Variants in DOC2B observed in about 807,000 individuals in gnomAD.
DOC2B encodes the protein double C2-like domain-containing protein beta.
Under a neutral mutation model 28.9 loss-of-function variants are expected in DOC2B, and 21 were observed. That is an observed-to-expected ratio of 0.73 (90% confidence interval 0.52 to 1.05). The LOEUF (loss-of-function observed/expected upper bound fraction) is 1.05, where lower values mean the gene tolerates loss of function less well. Among genes scored for constraint, DOC2B ranks in the 50% least tolerant of loss-of-function variants. The pLI, the probability that DOC2B is intolerant of heterozygous loss-of-function variation, is 0.00. For synonymous variants in DOC2B, 194 were observed against 178.1 expected, an observed-to-expected ratio of 1.09 and a Z score of -0.71; for missense variants, 384 against 421.1, an observed-to-expected ratio of 0.91 and a Z score of 0.77.
intron 2 of DOC2B, among the ~76,000 whole-genome samples, chr17:165,692 C>G (rs1022671163): frequency 3.3e-5 from 5 of 151,906 alleles, no homozygotes; most frequent in Non-Finnish European, 7.4e-5. Context: ...GGGGCTGCCT[C>G]TGGGACAGGG....
intron 6 of DOC2B, among the ~76,000 whole-genome samples, chr17:153,642 A>T (rs567369002): frequency 6.6e-6 from 1 of 152,164 alleles, no homozygotes; most frequent in South Asian, 2.1e-4. Flanking sequence ...CAGACGTTGC[A>T]GTGAGCTGAG....
In DOC2B at chr17:181,531, C is replaced by A; in HGVS notation, c.-52G>T. ...GCGGCCCGGCCCGGCGCGACCCCGG[C>A]CCGGGGGCGGCTCAGCAGGCCCGGC... On this transcript the variant is annotated 5_prime_UTR_variant, in exon 1 of 9. Coordinates refer to ENST00000613549, the MANE Select transcript of DOC2B (RefSeq NM_003585.5). This position sits in a 1 kb window ranked among gnomAD's most constrained non-coding sequence, Gnocchi z 7.0. 1.0e-6 allele frequency: 1 copy of A among 958,660 alleles called. No homozygotes were observed. The highest frequency in any genetic ancestry group is 1.2e-6 in the Non-Finnish European group (1 of 807,922). 59.4% of individuals were successfully genotyped at this position (958,660 alleles called of 1,614,324 possible).
At chr17:161,375 C>A in intron 5 of DOC2B, 40 bp downstream of exon 5, 2 of 1,545,974 alleles carry the variant, frequency 1.3e-6, no homozygotes, top group South Asian at 2.4e-5. Context: ...CACCTGCCAC[C>A]GAGCCAGGTA....
chr17:153,471 G>A (rs529051282), intron 6 of DOC2B, among the ~76,000 whole-genome samples: 1 of 152,360 alleles, frequency 6.6e-6, no homozygotes, highest in East Asian at 1.9e-4. Context: ...GGGAGGCCAG[G>A]GTGGGTGGAT....
At position 172,579 on chromosome 17, in the gene DOC2B, G is replaced by T; in HGVS notation, c.411C>A (p.Asp137Glu). ...LGTLDFSLLY[D>E]QENNALHCTI... ...TGCAGTGGAGGGCGTTGTTCTCCTG[G>T]TCATACAGCAGGCTGAAGTCCAGCG... is the stretch of plus-strand genomic sequence containing the variant. The change falls in exon 2 of 9, where the codon GAC becomes GAA. Residue 137 changes from aspartate (D) to glutamate (E), a missense_variant. Physicochemically the swap from Asp to Glu is conservative, Grantham distance 45. Coordinates refer to ENST00000613549, the MANE Select transcript of DOC2B (RefSeq NM_003585.5). 1 of 1,551,110 alleles carries T rather than the reference G, an allele frequency of 6.4e-7. No homozygotes were observed. The highest frequency in any genetic ancestry group is 2.0e-5 in the Admixed American group (1 of 50,980).
rs1305143158 is a variant in DOC2B at position 149,204 on chromosome 17, T to C, written c.924-12A>G. On this transcript the variant is annotated splice_polypyrimidine_tract_variant and intron_variant, in intron 6 of 8. Transcript: ENST00000613549. ...CTGGCCTCAGGTATCTGGAATTACA[T>C]CCAACGGACAGGCAGAGGATGGGGA... 1.3e-5 allele frequency: 5 copies of C among 399,616 alleles called. No individual in the cohort carries two copies. The highest frequency in any genetic ancestry group is 2.2e-5 in the Non-Finnish European group (5 of 226,262). 24.8% of individuals were successfully genotyped at this position (399,616 alleles called of 1,614,324 possible).
intron 2 of DOC2B, among the ~76,000 whole-genome samples, chr17:169,071 G>A (rs945652100): frequency 7.9e-5 from 12 of 152,080 alleles, no homozygotes; most frequent in Non-Finnish European, 1.3e-4. Flanking sequence ...GCCCTGCCCC[G>A]CCCTGGGCCT....
chr17:157,630 G>T (rs2040150945), intron 5 of DOC2B, among the ~76,000 whole-genome samples: 1 of 152,134 alleles, frequency 6.6e-6, no homozygotes, highest in South Asian at 2.1e-4. Context: ...TTTTGGTAGA[G>T]ACAGGGTTTT....
chr17:144,067 CAGGCGGCGGGCGGGGCGGCGGGCG>C lies in DOC2B; in HGVS notation c.*3350_*3373del, dbSNP rs2040002358. 1.2e-5 allele frequency: 1 copy of C among 83,690 alleles called. No individual in the cohort carries two copies. The highest frequency in any genetic ancestry group is 2.3e-5 in the Non-Finnish European group (1 of 43,608). 5.2% of individuals were successfully genotyped at this position (83,690 alleles called of 1,614,324 possible). ...AAGACGGGCCCGTCGGGGATTGGCG[CAGGCGGCGGGCGGGGCGGCGGGCG>C]GGGCGGCGGGCGGGGCGGCGCTGGA... On this transcript the variant is annotated 3_prime_UTR_variant, in exon 9 of 9. Coordinates refer to ENST00000613549, the MANE Select transcript of DOC2B (RefSeq NM_003585.5).
chr17:175,110 T>C (rs2040354593), intron 1 of DOC2B, among the ~76,000 whole-genome samples: 1 of 152,126 alleles, frequency 6.6e-6, no homozygotes, highest in African/African-American at 2.4e-5. Flanking sequence ...TGGTGGCGCA[T>C]GCCTGTGGTC....
At position 162,136 on chromosome 17, in the gene DOC2B, C is replaced by T. The variant is rs2040212541; in HGVS notation, c.583G>A (p.Glu195Lys). The change falls in exon 4 of 9, where the codon GAG becomes AAG. Residue 195 changes from glutamate to lysine, a missense_variant. Transcript: ENST00000613549. ...LRNTLNPTWN[E>K]TLTYYGITDE... ...GTGATCCCGTAGTAAGTGAGGGTCT[C>T]GTTCCATGTGGGGTTCAGAGTGTTA... is the stretch of plus-strand genomic sequence containing the variant. 6 of 1,551,872 alleles carry T rather than the reference C, an allele frequency of 3.9e-6. No individual in the cohort carries two copies. The South Asian group carries it at 4.8e-5, about 12-fold the overall frequency.
At chr17:161,266 C>A (rs984336567) in intron 5 of DOC2B, 149 bp downstream of exon 5, 35 of 831,074 alleles carry the variant, frequency 4.2e-5, no homozygotes, top group Non-Finnish European at 6.1e-5. Flanking sequence ...TCCTCACCTC[C>A]ACCCCCTTGA....
At chr17:178,462 C>T (rs556066176) in intron 1 of DOC2B, among the ~76,000 whole-genome samples, 1 of 152,320 alleles carries the variant, frequency 6.6e-6, no homozygotes, top group South Asian at 2.1e-4. Context: ...CAGGTGGGTG[C>T]CGGGCAGGAG....
In DOC2B at chr17:143,983, CG is replaced by C. The variant is rs1364497942; in HGVS notation, c.*3457del. ...GCCCGGGCTCGGCGGGCGGACGGGC[CG>C]GGGCGCAGTTCCCCGCGCTCGCCAC... On this transcript the variant is annotated 3_prime_UTR_variant, in exon 9 of 9. Transcript: ENST00000613549. 4 of 148,692 alleles carry C rather than the reference CG, an allele frequency of 2.7e-5. No homozygotes were observed. Among genetic ancestry groups the C allele is most frequent in the Non-Finnish European group, 6.0e-5 (4 of 66,996 alleles). 9.2% of individuals were successfully genotyped at this position (148,692 alleles called of 1,614,324 possible).
intron 1 of DOC2B, among the ~76,000 whole-genome samples, chr17:174,297 C>A (rs992056376): frequency 1.3e-5 from 2 of 152,230 alleles, no homozygotes; most frequent in Non-Finnish European, 2.9e-5. Flanking sequence ...TATCTAACGT[C>A]TTTATGCCTC....
At chr17:165,842 C>A (rs34263281) in intron 2 of DOC2B, among the ~76,000 whole-genome samples, 114,240 of 152,160 alleles carry the variant, frequency 0.75, 43,404 homozygotes, top group East Asian at 0.86. Context: ...CCTGACCAGG[C>A]GGTGCCTGAC....
intron 6 of DOC2B, among the ~76,000 whole-genome samples, chr17:154,656 G>A (rs538407642): frequency 9.8e-5 from 15 of 152,306 alleles, no homozygotes; most frequent in African/African-American, 3.4e-4. Flanking sequence ...ATCAAATGGT[G>A]ATTCTGTGTT....
At chr17:153,107 G>A (rs1007315034) in intron 6 of DOC2B, among the ~76,000 whole-genome samples, 4 of 143,238 alleles carry the variant, frequency 2.8e-5, no homozygotes, top group Non-Finnish European at 3.1e-5. Context: ...CGGGTGAGGC[G>A]TGGCTCAGAT....
chr17:173,733 A>G (rs2040338212), intron 1 of DOC2B, among the ~76,000 whole-genome samples: 1 of 152,248 alleles, frequency 6.6e-6, no homozygotes, highest in South Asian at 2.1e-4. Context: ...GAGTTGGCCA[A>G]TGGCAAAGAG....
Sources: allele counts gnomAD v4.1 joint callset (sites outside exome capture counted in the v4.1 genomes callset), GRCh38; gene constraint gnomAD v4.1.1; non-coding constraint Gnocchi (gnomAD v3.1); transcripts MANE v1.5; gene names NCBI Gene and HGNC (gene_info 2026-07-23, HGNC 2026-07-21).